The following PRAG1 variants were observed in gnomAD, a reference collection of about 807,000 sequenced individuals.
The protein encoded by PRAG1 is PEAK1 related, kinase-activating pseudokinase 1.
Under a neutral mutation model 95.6 loss-of-function variants are expected in PRAG1, and 110 were observed. That is an observed-to-expected ratio of 1.15 (90% CI 0.99 to 1.35). PRAG1 has a LOEUF of 1.35. Among genes scored for constraint, PRAG1 ranks in the 40% most tolerant of loss-of-function variants. The pLI, the probability that PRAG1 is intolerant of heterozygous loss-of-function variation, is 0.00. For missense variants in PRAG1, 2,554 were observed against 1,864.7 expected (o/e 1.37, Z -6.81); for synonymous variants, 1,052 against 819.4 (o/e 1.28, Z -4.85).
At chr8:8,375,311 C>G (rs181826214) in intron 3 of PRAG1, among the ~76,000 whole-genome samples, 5 of 152,102 alleles carry the variant, frequency 3.3e-5, no homozygotes, top group Non-Finnish European at 7.4e-5. Context: ...TCACGCCATT[C>G]TCCTGCCTCA....
rs1800410803 is a variant in PRAG1 at position 8,376,693 on chromosome 8, G to A, written c.1716C>T (p.Asp572=). The stretch of plus-strand genomic sequence containing the variant: ...TGCCGCCAGAGCTCCCATCACTAAG[G>A]TCAGCCAGCGGTGACACTGGGGGCC... ...AGGPPVSPLA[D]LSDGSSGGSS... is the part of the protein sequence containing the mutation. Residue 572 remains aspartate (D), a synonymous_variant, in exon 3 of 6, where the codon GAC becomes GAT. Coordinates refer to ENST00000615670, the MANE Select transcript of PRAG1 (RefSeq NM_001080826.3). 6.2e-7 allele frequency: 1 copy of A among 1,611,686 alleles called. No homozygotes were observed.
intron 3 of PRAG1, among the ~76,000 whole-genome samples, chr8:8,344,982 T>C (rs1186909326): frequency 2.6e-5 from 4 of 152,030 alleles, no homozygotes; most frequent in Admixed American, 2.6e-4. Flanking sequence ...TTGTCAAAAC[T>C]CTCATCAAGT....
At chr8:8,373,142 ATTGGTGCCGGATCAAC>A (rs1248596163) in intron 3 of PRAG1, among the ~76,000 whole-genome samples, 4 of 152,138 alleles carry the variant, frequency 2.6e-5, no homozygotes, top group Admixed American at 2.6e-4. Context: ...GTGTACTGGA[ATTGGTGCCGGATCAAC>A]TGCTGGCTGC....
intron 5 of PRAG1, among the ~76,000 whole-genome samples, chr8:8,322,104 G>C (rs1385721465): frequency 6.6e-6 from 1 of 152,212 alleles, no homozygotes; most frequent in Non-Finnish European, 1.5e-5. Flanking sequence ...TCCCAGCCTT[G>C]TGGTGGTTAG....
intron 3 of PRAG1, among the ~76,000 whole-genome samples, chr8:8,347,817 C>CTTT (rs34740023): frequency 6.9e-6 from 1 of 145,822 alleles, no homozygotes; most frequent in Non-Finnish European, 1.5e-5. Flanking sequence ...CAATTCACAT[C>CTTT]TTTTTTTTTT....
At chr8:8,369,945 G>C (rs1169679696) in intron 3 of PRAG1, among the ~76,000 whole-genome samples, 1 of 152,124 alleles carries the variant, frequency 6.6e-6, no homozygotes, top group Non-Finnish European at 1.5e-5. Context: ...TTAATTCTTA[G>C]CAACTCAATT....
chr8:8,324,409 G>A (rs1263214131), intron 5 of PRAG1, among the ~76,000 whole-genome samples: 2 of 152,220 alleles, frequency 1.3e-5, no homozygotes, highest in African/African-American at 4.8e-5. Flanking sequence ...GGCAAGACCC[G>A]CAGCTTCCTC....
At chr8:8,364,146 G>T (rs1799933606) in intron 3 of PRAG1, among the ~76,000 whole-genome samples, 1 of 152,148 alleles carries the variant, frequency 6.6e-6, no homozygotes, top group Non-Finnish European at 1.5e-5. Context: ...TAATTTAACA[G>T]CTGTTTAATA....
chr8:8,321,856 A>T (rs1054245098), intron 5 of PRAG1, among the ~76,000 whole-genome samples: 17 of 152,358 alleles, frequency 1.1e-4, no homozygotes, highest in African/African-American at 4.1e-4. Context: ...ACACTGAATT[A>T]GTGAATAGTG....
Position 8,377,937 on chromosome 8 carries a change from C to T in PRAG1, c.472G>A (p.Ala158Thr), listed in dbSNP as rs202140504. Residue 158 changes from alanine to threonine, a missense_variant, in exon 3 of 6, where the codon GCT becomes ACT. Transcript: ENST00000615670. Reference sequence around the variant, plus strand: ...TTGTGCAGGCCGACCATGGTGTAAGCTGGGGGACAGCGAGAATTGCCATCA... The same window carrying T: ...TTGTGCAGGCCGACCATGGTGTAAGTTGGGGGACAGCGAGAATTGCCATCA... Reference protein sequence around the residue: ...SPDGNSRCPPAYTMVGLHNLE... With the variant: ...SPDGNSRCPPTYTMVGLHNLE... The T allele has an allele frequency of 1.2e-6, 2 of 1,613,992 alleles. No homozygotes were observed. The highest frequency in any genetic ancestry group is 2.2e-5 in the South Asian group (2 of 91,064).
Position 8,376,716 on chromosome 8 carries a change from G to T in PRAG1, c.1693C>A (p.Pro565Thr), listed in dbSNP as rs777877537. 1.2e-6 allele frequency: 2 copies of T among 1,610,510 alleles called. No individual in the cohort carries two copies. Among genetic ancestry groups the T allele is most frequent in the Non-Finnish European group, 1.7e-6 (2 of 1,179,956 alleles). ...AGGTCAGCCAGCGGTGACACTGGGG[G>T]CCCTCCAGCAGACGGTGACACCGGG... Reference protein sequence around the residue: ...GSPVSPSAGGPPVSPLADLSD... With the variant: ...GSPVSPSAGGTPVSPLADLSD... Residue 565 changes from proline (P) to threonine (T), a missense_variant, in exon 3 of 6, where the codon CCC becomes ACC. Coordinates refer to ENST00000615670, the MANE Select transcript of PRAG1 (RefSeq NM_001080826.3).
At chr8:8,386,056 A>G (rs1302316565) in intron 1 of PRAG1, among the ~76,000 whole-genome samples, 1 of 152,192 alleles carries the variant, frequency 6.6e-6, no homozygotes, top group Admixed American at 6.5e-5. Flanking sequence ...AACTCGTAGG[A>G]AAGTTTCCCC....
At chr8:8,378,246 C>G (rs1172994230) in intron 2 of PRAG1, among the ~76,000 whole-genome samples, 168 bp from the exon 3 acceptor site, 1 of 152,212 alleles carries the variant, frequency 6.6e-6, no homozygotes, top group Non-Finnish European at 1.5e-5. Flanking sequence ...CTCATCTCCC[C>G]ACGGCCCTGT....
chr8:8,378,191 C>T, intron 2 of PRAG1, 113 bp from the exon 3 acceptor site: 1 of 1,277,270 alleles, frequency 7.8e-7, no homozygotes. Context: ...TTCTGTAGTG[C>T]AGTGCAGGGG....
intron 3 of PRAG1, among the ~76,000 whole-genome samples, chr8:8,373,361 G>C (rs1461527864): frequency 4.6e-5 from 7 of 151,952 alleles, no homozygotes; most frequent in Non-Finnish European, 5.9e-5. Flanking sequence ...AAATGAAAAT[G>C]CTTCCCCAAA....
At chr8:8,382,118 A>G (rs1193939556) in intron 1 of PRAG1, among the ~76,000 whole-genome samples, 1 of 152,134 alleles carries the variant, frequency 6.6e-6, no homozygotes, top group Non-Finnish European at 1.5e-5. Context: ...GGAGTCCCCT[A>G]AAATCCTGGG....
At chr8:8,362,097 C>G (rs924312560) in intron 3 of PRAG1, among the ~76,000 whole-genome samples, 2 of 152,330 alleles carry the variant, frequency 1.3e-5, no homozygotes, top group South Asian at 2.1e-4. Context: ...CCTCTTCCCC[C>G]ACCCCTGGAG....
chr8:8,351,028 A>G (rs1799504089), intron 3 of PRAG1, among the ~76,000 whole-genome samples: 1 of 152,196 alleles, frequency 6.6e-6, no homozygotes, highest in Non-Finnish European at 1.5e-5. Flanking sequence ...TACTGAGTGT[A>G]TTAGTTAGTT....
rs757329266 is a variant in PRAG1 at position 8,327,714 on chromosome 8, A to G, written c.3068T>C (p.Val1023Ala). The stretch of plus-strand genomic sequence containing the variant: ...CAAGGAGGGAGTGGTACCTACTTTC[A>G]CAGCATAGGTGCTGCCGGGGTCCTC... ...CSEDPGSTYA[V>A]KICKAPEPKT... The change falls in exon 5 of 6, where the codon GTG becomes GCG. Residue 1023 changes from valine (V) to alanine (A), a missense_variant. By Grantham distance (64) the Val-to-Ala change is moderately conservative. Transcript: ENST00000615670. The G allele has an allele frequency of 6.2e-7, 1 of 1,608,970 alleles. No homozygotes were observed. Among genetic ancestry groups the G allele is most frequent in the South Asian group, 1.1e-5 (1 of 90,448 alleles).
Sources: allele counts gnomAD v4.1 joint callset (sites outside exome capture counted in the v4.1 genomes callset), GRCh38; gene constraint gnomAD v4.1.1; transcripts MANE v1.5; gene names NCBI Gene and HGNC (gene_info 2026-07-23, HGNC 2026-07-21).